GSE1: variants seen among roughly 807,000 people sequenced by gnomAD.
GSE1 encodes the protein Gse1 coiled-coil protein.
A neutral mutation model predicts 112.6 loss-of-function variants in GSE1; 32 were observed. The ratio of observed to expected loss-of-function variants is 0.28; its 90% confidence interval spans 0.21 to 0.38. The LOEUF is 0.38. Ranked by LOEUF, GSE1 falls within the 10% of genes least tolerant of loss-of-function variation. The probability of loss-of-function intolerance (pLI) is 1.00; values close to 1 mark genes in which losing one functional copy is unlikely to be tolerated. For synonymous variants in GSE1, 1,115 were observed against 735.6 expected, an observed-to-expected ratio of 1.52 and a Z score of -8.35; for missense variants, 2,348 against 1,699.2, an observed-to-expected ratio of 1.38 and a Z score of -6.71.
At chr16:85,596,038 A>C in intron 1 of GSE1, among the ~76,000 whole-genome samples, 1 of 135,658 alleles carries the variant, frequency 7.4e-6, no homozygotes, top group Non-Finnish European at 1.6e-5. Flanking sequence ...CCATCTACCC[A>C]TCCACCCATT....
intron 1 of GSE1, among the ~76,000 whole-genome samples, chr16:85,307,742 G>A (rs1326901008): frequency 6.6e-6 from 1 of 152,194 alleles, no homozygotes; most frequent in Non-Finnish European, 1.5e-5. Context: ...TCAAGCTGAT[G>A]CCCTGTGGTT....
intron 1 of GSE1, among the ~76,000 whole-genome samples, chr16:85,201,005 C>G (rs934544697): frequency 6.6e-6 from 1 of 152,128 alleles, no homozygotes; most frequent in African/African-American, 2.4e-5. Flanking sequence ...TAGAACAGAA[C>G]GAAGCAGTAT....
At chr16:85,415,150 G>T (rs1371092219) in intron 2 of GSE1, among the ~76,000 whole-genome samples, 1 of 152,156 alleles carries the variant, frequency 6.6e-6, no homozygotes, top group Non-Finnish European at 1.5e-5. Context: ...ATGTTGCCCA[G>T]ACTGGTCTTG....
chr16:85,597,261 G>A (rs745495268), intron 1 of GSE1, among the ~76,000 whole-genome samples: 11 of 151,328 alleles, frequency 7.3e-5, no homozygotes, highest in Non-Finnish European at 1.3e-4. Flanking sequence ...TTAATGGCGT[G>A]AGCCACCGTG....
intron 1 of GSE1, among the ~76,000 whole-genome samples, chr16:85,183,086 C>T (rs965816840): frequency 3.9e-5 from 6 of 152,208 alleles, no homozygotes; most frequent in Non-Finnish European, 8.8e-5. Context: ...CCCACACACT[C>T]ACATGCGTGC....
intron 2 of GSE1, among the ~76,000 whole-genome samples, chr16:85,523,662 C>T (rs570050055): frequency 2.2e-3 from 340 of 152,352 alleles, no homozygotes; most frequent in African/African-American, 8.0e-3. Context: ...CTCCTCGTGC[C>T]TGCCTCCACC....
At chr16:85,579,099 A>T (rs2046346495) in intron 1 of GSE1, among the ~76,000 whole-genome samples, 2 of 152,142 alleles carry the variant, frequency 1.3e-5, no homozygotes, top group Admixed American at 1.3e-4. Flanking sequence ...TAAATAGTCT[A>T]AAAAGAGAGA....
chr16:85,451,973 C>T (rs1375705456), intron 2 of GSE1, among the ~76,000 whole-genome samples: 1 of 152,126 alleles, frequency 6.6e-6, no homozygotes, highest in African/African-American at 2.4e-5. Context: ...CTCCCCCCCT[C>T]ACCGAGTTTC....
intron 2 of GSE1, among the ~76,000 whole-genome samples, chr16:85,469,641 C>A (rs910535445): frequency 1.2e-4 from 19 of 152,210 alleles, no homozygotes; most frequent in Admixed American, 8.5e-4. Context: ...TCTGAGGCCC[C>A]CAGTACTGTG....
At chr16:85,476,700 C>G (rs901485492) in intron 2 of GSE1, among the ~76,000 whole-genome samples, 1 of 151,948 alleles carries the variant, frequency 6.6e-6, no homozygotes, top group African/African-American at 2.4e-5. Context: ...CTGGCACAAT[C>G]ACAGCTCAGT....
chr16:85,673,716 G>A lies in GSE1; in HGVS notation c.*1177G>A, dbSNP rs990406104. The A allele has an allele frequency of 6.6e-6, 1 of 152,102 alleles. No individual in the cohort carries two copies. The highest frequency in any genetic ancestry group is 2.4e-5 in the African/African-American group (1 of 41,426). 9.4% of individuals were successfully genotyped at this position (152,102 alleles called of 1,614,324 possible). On this transcript the variant is annotated 3_prime_UTR_variant, in exon 16 of 16. Coordinates refer to ENST00000253458, the MANE Select transcript of GSE1 (RefSeq NM_014615.5). Reference sequence around the variant, plus strand: ...CCCCCAGCATCTGGACAAGCTAATAGCAAATATTACCCATTGCTATCAAGG... The same window carrying A: ...CCCCCAGCATCTGGACAAGCTAATAACAAATATTACCCATTGCTATCAAGG...
At chr16:85,604,881 G>T (rs1185914765) in intron 1 of GSE1, among the ~76,000 whole-genome samples, 12 of 62,046 alleles carry the variant, frequency 1.9e-4, no homozygotes, top group Non-Finnish European at 3.2e-5. Flanking sequence ...GCAGTGGCGG[G>T]ATCTCGGCTC....
intron 2 of GSE1, among the ~76,000 whole-genome samples, chr16:85,433,652 T>G: frequency 6.6e-6 from 1 of 151,442 alleles, no homozygotes; most frequent in Non-Finnish European, 1.5e-5. Flanking sequence ...GGGTGAATGT[T>G]GAATGGATAG....
At chr16:85,302,447 C>T (rs1004390547) in intron 1 of GSE1, among the ~76,000 whole-genome samples, 61 of 95,702 alleles carry the variant, frequency 6.4e-4, no homozygotes, top group African/African-American at 2.7e-3. Context: ...CACAGCACAC[C>T]GCCCCCCCCC....
chr16:85,536,635 C>G (rs534597316), intron 2 of GSE1, among the ~76,000 whole-genome samples: 2 of 152,366 alleles, frequency 1.3e-5, no homozygotes, highest in East Asian at 3.9e-4. Context: ...ACCGCGAGGC[C>G]ACGGGCCCTG....
chr16:85,548,370 TA>T (rs934707743), intron 2 of GSE1, among the ~76,000 whole-genome samples: 3 of 151,856 alleles, frequency 2.0e-5, no homozygotes, highest in African/African-American at 7.3e-5. Flanking sequence ...TTTTTTTTTT[TA>T]AACTAGGTCT....
At chr16:85,244,439 C>A (rs1320785200) in intron 1 of GSE1, among the ~76,000 whole-genome samples, 1 of 152,168 alleles carries the variant, frequency 6.6e-6, no homozygotes, top group African/African-American at 2.4e-5. Context: ...CCTTATCAGA[C>A]TTCTGACCTC....
At chr16:85,592,081 G>GT (rs2047026078) in intron 1 of GSE1, among the ~76,000 whole-genome samples, 1 of 152,210 alleles carries the variant, frequency 6.6e-6, no homozygotes, top group Non-Finnish European at 1.5e-5. Context: ...TACAGAGCTA[G>GT]TGGGAAGAGC....
At chr16:85,434,329 T>TC (rs2049191270) in intron 2 of GSE1, among the ~76,000 whole-genome samples, 5 of 146,612 alleles carry the variant, frequency 3.4e-5, no homozygotes, top group Admixed American at 1.4e-4. Context: ...ATAATAATAA[T>TC]AATAATAATA....
Sources: allele counts gnomAD v4.1 joint callset (sites outside exome capture counted in the v4.1 genomes callset), GRCh38; gene constraint gnomAD v4.1.1; transcripts MANE v1.5; gene names NCBI Gene and HGNC (gene_info 2026-07-23, HGNC 2026-07-21).